NTNG1: variants seen among roughly 807,000 people sequenced by gnomAD.
The protein encoded by NTNG1 is netrin-G1.
In NTNG1, 16 loss-of-function variants were observed where a neutral mutation model predicts 54.0. The ratio of observed to expected loss-of-function variants is 0.30; its 90% CI spans 0.20 to 0.45. The LOEUF is 0.45. Ranked by LOEUF, NTNG1 falls within the 20% of genes least tolerant of loss-of-function variation. The pLI, the probability that NTNG1 is intolerant of heterozygous loss-of-function variation, is 1.00. For missense variants in NTNG1, 530 were observed against 678.7 expected, an observed-to-expected ratio of 0.78 and a Z score of 2.43; for synonymous variants, 255 against 263.1, an observed-to-expected ratio of 0.97 and a Z score of 0.30.
intron 3 of NTNG1, among the ~76,000 whole-genome samples, chr1:107,332,111 T>A (rs576170199): frequency 1.3e-3 from 194 of 152,248 alleles, no homozygotes; most frequent in African/African-American, 4.6e-3. Flanking sequence ...GGAGCATATT[T>A]TTAAAATCTA....
intron 7 of NTNG1, among the ~76,000 whole-genome samples, chr1:107,449,720 T>A (rs1277313159): frequency 2.1e-5 from 3 of 145,662 alleles, no homozygotes; most frequent in African/African-American, 2.5e-5. Flanking sequence ...TCTGCTGGAT[T>A]AAAAAAAAAA....
chr1:107,145,631 C>T (rs1341486347), intron 1 of NTNG1, among the ~76,000 whole-genome samples: 1 of 152,034 alleles, frequency 6.6e-6, no homozygotes, highest in African/African-American at 2.4e-5. Context: ...ATTTTTAATA[C>T]ATTAATAATA....
intron 2 of NTNG1, among the ~76,000 whole-genome samples, chr1:107,204,255 G>C (rs953789996): frequency 6.6e-6 from 1 of 152,026 alleles, no homozygotes; most frequent in African/African-American, 2.4e-5. Context: ...CAGATTAGTT[G>C]ATGCTATTTC....
At chr1:107,474,566 T>G (rs1678190145) in intron 7 of NTNG1, among the ~76,000 whole-genome samples, 1 of 152,220 alleles carries the variant, frequency 6.6e-6, no homozygotes, top group Admixed American at 6.5e-5. Flanking sequence ...TTCCATTTTA[T>G]GCACTATAAC....
At chr1:107,249,127 C>A (rs1198779843) in intron 2 of NTNG1, among the ~76,000 whole-genome samples, 2 of 150,820 alleles carry the variant, frequency 1.3e-5, no homozygotes, top group South Asian at 2.1e-4. Context: ...CCACTGCACT[C>A]TAACCTGGGT....
chr1:107,233,526 A>G (rs994243315), intron 2 of NTNG1, among the ~76,000 whole-genome samples: 1 of 152,184 alleles, frequency 6.6e-6, no homozygotes, highest in Non-Finnish European at 1.5e-5. Flanking sequence ...CAATTGATAA[A>G]TTACGTCTTT....
intron 2 of NTNG1, among the ~76,000 whole-genome samples, chr1:107,271,199 A>AT (rs1051049052): frequency 3.3e-5 from 5 of 151,934 alleles, no homozygotes; most frequent in South Asian, 2.1e-4. Context: ...TATTGTAAGA[A>AT]TTTTTTTTTA....
chr1:107,356,513 C>T (rs1450134159), intron 3 of NTNG1, among the ~76,000 whole-genome samples: 4 of 152,030 alleles, frequency 2.6e-5, no homozygotes, highest in Non-Finnish European at 4.4e-5. Flanking sequence ...AGGCTGGTGT[C>T]GAACTCCTGG....
intron 2 of NTNG1, among the ~76,000 whole-genome samples, chr1:107,310,089 A>G (rs1466918400): frequency 6.6e-6 from 1 of 152,186 alleles, no homozygotes; most frequent in African/African-American, 2.4e-5. Context: ...TTGAATGGTC[A>G]TTGATTCCTT....
Position 107,484,387 on chromosome 1 carries a change from T to TAACCC in NTNG1, c.*3547_*3548insAACCC, listed in dbSNP as rs1558035919. Among the ~76,000 whole-genome samples, 1 of 152,216 alleles carries TAACCC rather than the reference T, an allele frequency of 6.6e-6. No individual in the cohort carries two copies. The highest frequency in any genetic ancestry group is 2.4e-5 in the African/African-American group (1 of 41,458). ...GCTTCCAAGGGTTATGAAAGCATCATGTGTCAAAGTGGCAGGATGGAAGAT... is the reference window on the plus strand; with the variant it reads ...GCTTCCAAGGGTTATGAAAGCATCATAACCCGTGTCAAAGTGGCAGGATGGAAGAT... On this transcript the variant is annotated 3_prime_UTR_variant, in exon 8 of 8. Coordinates refer to ENST00000370068, the MANE Select transcript of NTNG1 (RefSeq NM_001113226.3).
chr1:107,414,514 A>G (rs752641813), intron 5 of NTNG1, among the ~76,000 whole-genome samples: 6 of 152,174 alleles, frequency 3.9e-5, no homozygotes, highest in Non-Finnish European at 7.4e-5. Flanking sequence ...AATAATAGTA[A>G]TTGATAGAGG....
At chr1:107,290,963 T>TTATATATATA (rs71976757) in intron 2 of NTNG1, among the ~76,000 whole-genome samples, 138 of 142,520 alleles carry the variant, frequency 9.7e-4, no homozygotes, top group Middle Eastern at 3.7e-3. Flanking sequence ...TATATATATA[T>TTATATATATA]TATATATATA....
intron 2 of NTNG1, among the ~76,000 whole-genome samples, chr1:107,249,185 T>TG: frequency 1.0e-5 from 1 of 99,784 alleles, no homozygotes; most frequent in Non-Finnish European, 2.5e-5. Context: ...AATAATAATT[T>TG]AAAAGTTAGT....
chr1:107,355,746 T>A (rs1168845506), intron 3 of NTNG1, among the ~76,000 whole-genome samples: 1 of 152,204 alleles, frequency 6.6e-6, no homozygotes, highest in African/African-American at 2.4e-5. Flanking sequence ...TTGGGTTTCC[T>A]TCTTTATTTA....
chr1:107,159,711 T>A (rs1407922118), intron 2 of NTNG1, among the ~76,000 whole-genome samples: 4 of 152,214 alleles, frequency 2.6e-5, no homozygotes, highest in Non-Finnish European at 5.9e-5. Context: ...ATTTTTGATT[T>A]GGGCTGTGAG....
intron 2 of NTNG1, chr1:107,261,164 C>A (rs1663294561): frequency 6.6e-6 from 1 of 152,026 alleles, no homozygotes; most frequent in Non-Finnish European, 1.5e-5. Flanking sequence ...TTACCAGGTC[C>A]TGGGTCCTGT....
In NTNG1 at chr1:107,148,495, A is replaced by C; in HGVS notation, c.-99A>C. 2 of 1,127,672 alleles carry C rather than the reference A, an allele frequency of 1.8e-6. No homozygotes were observed. The highest frequency in any genetic ancestry group is 2.6e-6 in the Non-Finnish European group (2 of 772,492). The allele number at this position is 1,127,672 out of a possible 1,614,324, so 69.9% of individuals were successfully genotyped here. On this transcript the variant is annotated 5_prime_UTR_variant, in exon 2 of 8. Transcript: ENST00000370068. ...TACAGAGACCTACCTACCCGTACGC[A>C]TACATACATATGTGTATATATATGT...
chr1:107,286,237 C>A (rs549679221), intron 2 of NTNG1, among the ~76,000 whole-genome samples: 1 of 152,160 alleles, frequency 6.6e-6, no homozygotes, highest in African/African-American at 2.4e-5. Context: ...ATGGGAGGAT[C>A]ATCTAATTCA....
chr1:107,207,344 C>T (rs539327145), intron 2 of NTNG1, among the ~76,000 whole-genome samples: 122 of 152,278 alleles, frequency 8.0e-4, no homozygotes, highest in Non-Finnish European at 1.0e-3. Context: ...GAATCAGGTA[C>T]TTTATGCAGT....
Sources: allele counts gnomAD v4.1 joint callset (sites outside exome capture counted in the v4.1 genomes callset), GRCh38; gene constraint gnomAD v4.1.1; transcripts MANE v1.5; gene names NCBI Gene and HGNC (gene_info 2026-07-23, HGNC 2026-07-21).